The following APBB2 variants were observed in gnomAD, a reference collection of about 807,000 sequenced individuals.
The protein encoded by APBB2 is amyloid beta precursor protein binding family B member 2.
A neutral mutation model predicts 82.5 loss-of-function variants in APBB2; 38 were observed. That is an observed-to-expected ratio of 0.46 (90% CI 0.36 to 0.60). APBB2 has a LOEUF of 0.60. Among genes scored for constraint, APBB2 ranks in the 20% least tolerant of loss-of-function variants. The pLI, the probability that APBB2 is intolerant of heterozygous loss-of-function variation, is 0.00. For synonymous variants in APBB2, 341 were observed against 368.2 expected, an observed-to-expected ratio of 0.93 and a Z score of 0.85; for missense variants, 772 against 972.3, an observed-to-expected ratio of 0.79 and a Z score of 2.74.
chr4:41,090,864 A>G (rs1579952640), intron 3 of APBB2, among the ~76,000 whole-genome samples: 1 of 152,230 alleles, frequency 6.6e-6, no homozygotes, highest in East Asian at 1.9e-4. Context: ...TAGAGGGCTC[A>G]TATGTGAGCA....
At chr4:41,116,728 A>C (rs1349070890) in intron 2 of APBB2, among the ~76,000 whole-genome samples, 1 of 152,218 alleles carries the variant, frequency 6.6e-6, no homozygotes, top group Non-Finnish European at 1.5e-5. Flanking sequence ...AATGTTAATA[A>C]TTGTATAAAT....
intron 6 of APBB2, among the ~76,000 whole-genome samples, chr4:41,000,894 C>T (rs1488887093): frequency 1.3e-5 from 2 of 152,022 alleles, no homozygotes; most frequent in African/African-American, 4.8e-5. Flanking sequence ...AGAGATAGGA[C>T]ATCAACTAAA....
At chr4:40,960,212 A>C (rs1329074344) in intron 6 of APBB2, among the ~76,000 whole-genome samples, 1 of 152,160 alleles carries the variant, frequency 6.6e-6, no homozygotes, top group Non-Finnish European at 1.5e-5. Context: ...ACATACTTAA[A>C]GGGATCAGAG....
intron 6 of APBB2, among the ~76,000 whole-genome samples, chr4:40,975,102 T>A (rs1462280064): frequency 1.3e-5 from 2 of 152,208 alleles, no homozygotes; most frequent in African/African-American, 4.8e-5. Context: ...AATGCTAGGC[T>A]ATCACTCCCT....
At chr4:41,001,597 G>C (rs111687018) in intron 6 of APBB2, among the ~76,000 whole-genome samples, 1 of 152,214 alleles carries the variant, frequency 6.6e-6, no homozygotes, top group Non-Finnish European at 1.5e-5. Context: ...AAAAAGACAG[G>C]CTGGGCGTGG....
chr4:40,840,994 C>T (rs1755626876), intron 12 of APBB2, among the ~76,000 whole-genome samples: 1 of 152,202 alleles, frequency 6.6e-6, no homozygotes, highest in Non-Finnish European at 1.5e-5. Context: ...CTTTCCACCA[C>T]CTGCCCCCGC....
chr4:40,840,051 CAGCTTA>C (rs1160149900), intron 12 of APBB2, among the ~76,000 whole-genome samples: 1 of 152,202 alleles, frequency 6.6e-6, no homozygotes, highest in Non-Finnish European at 1.5e-5. Context: ...CCTTCCCTCC[CAGCTTA>C]TCTTTCTATT....
chr4:40,893,494 A>G (rs535250229), intron 10 of APBB2, 83 bp from the exon 11 acceptor site: 183 of 1,339,006 alleles, frequency 1.4e-4, no homozygotes, highest in African/African-American at 1.1e-3. Flanking sequence ...TCCCGCAACT[A>G]AAAGGTACTA....
chr4:40,875,619 C>A (rs1766683726), intron 12 of APBB2, among the ~76,000 whole-genome samples: 1 of 152,188 alleles, frequency 6.6e-6, no homozygotes, highest in South Asian at 2.1e-4. Context: ...CACTTTACAG[C>A]ACATTTCAAT....
intron 4 of APBB2, among the ~76,000 whole-genome samples, chr4:41,047,830 A>T (rs1724001231): frequency 2.0e-5 from 3 of 152,200 alleles, no homozygotes; most frequent in Admixed American, 1.3e-4. Context: ...AGAGAAGGTT[A>T]AGTATCATAA....
chr4:40,994,802 A>C (rs1803165319), intron 6 of APBB2, among the ~76,000 whole-genome samples: 1 of 145,930 alleles, frequency 6.9e-6, no homozygotes. Context: ...GCGACAGAGC[A>C]AGACTCCGGA....
intron 5 of APBB2, among the ~76,000 whole-genome samples, chr4:41,015,425 T>C (rs1281125288): frequency 1.3e-5 from 2 of 152,216 alleles, no homozygotes; most frequent in South Asian, 2.1e-4. Flanking sequence ...CAGCAGCAGA[T>C]GAACCAAAGC....
At chr4:40,890,052 GAAA>G (rs1771517629) in intron 12 of APBB2, among the ~76,000 whole-genome samples, 1 of 152,254 alleles carries the variant, frequency 6.6e-6, no homozygotes, top group South Asian at 2.1e-4. Context: ...GAGAGGAGGG[GAAA>G]AAGGGGTTCA....
At position 40,999,494 on chromosome 4, in the gene APBB2, C is replaced by T. The variant is rs563763977; in HGVS notation, c.835+14089G>A. ...AAGAATGTCCTGGGCACTGTTTATTCTAGGCACTAAGGATATGGCAGGGAA... is the reference window on the plus strand; with the variant it reads ...AAGAATGTCCTGGGCACTGTTTATTTTAGGCACTAAGGATATGGCAGGGAA... On this transcript the variant is annotated intron_variant, in intron 6 of 17. Transcript: ENST00000508593. Among the ~76,000 whole-genome samples, 5 of 152,270 alleles carry T rather than the reference C, an allele frequency of 3.3e-5. No homozygotes were observed. In the East Asian group the frequency reaches 7.7e-4, roughly 24 times the overall value.
chr4:40,999,795 C>T (rs62412086), intron 6 of APBB2, among the ~76,000 whole-genome samples: 4 of 151,962 alleles, frequency 2.6e-5, no homozygotes, highest in East Asian at 1.9e-4. Flanking sequence ...CTTGGAGGTA[C>T]GCTATTACCT....
intron 6 of APBB2, among the ~76,000 whole-genome samples, chr4:40,968,775 C>T (rs1042535057): frequency 9.2e-5 from 14 of 152,282 alleles, no homozygotes; most frequent in South Asian, 2.1e-4. Context: ...TTCCTAATCA[C>T]CCACTGTTGA....
intron 4 of APBB2, among the ~76,000 whole-genome samples, chr4:41,056,426 C>T (rs573027859): frequency 6.6e-6 from 1 of 152,250 alleles, no homozygotes; most frequent in Admixed American, 6.5e-5. Flanking sequence ...CCTCCCCAGA[C>T]CATTGTGTCC....
At chr4:41,122,794 T>G (rs949710401) in intron 2 of APBB2, among the ~76,000 whole-genome samples, 1 of 152,198 alleles carries the variant, frequency 6.6e-6, no homozygotes, top group Admixed American at 6.5e-5. Flanking sequence ...GCTCAAAGCC[T>G]TTTCGTCTCT....
chr4:40,830,178 A>T (rs1368523794), intron 13 of APBB2, among the ~76,000 whole-genome samples: 1 of 150,992 alleles, frequency 6.6e-6, no homozygotes, highest in Non-Finnish European at 1.5e-5. Flanking sequence ...CTGCAGCAAA[A>T]ATACTTTAAT....
Sources: allele counts gnomAD v4.1 joint callset (sites outside exome capture counted in the v4.1 genomes callset), GRCh38; gene constraint gnomAD v4.1.1; transcripts MANE v1.5; gene names NCBI Gene and HGNC (gene_info 2026-07-23, HGNC 2026-07-21).